ADM2: variants seen among roughly 807,000 people sequenced by gnomAD.
ADM2 encodes protein ADM2.
ADM2 carries 5 observed loss-of-function variants against 7.1 expected under a neutral mutation model. The ratio of observed to expected loss-of-function variants is 0.71; its 90% CI spans 0.37 to 1.49. ADM2 has a LOEUF of 1.49. ADM2 is among the 40% of genes most tolerant of loss of function. The pLI is 0.03. For synonymous variants in ADM2, 123 were observed against 92.8 expected, an observed-to-expected ratio of 1.33 and a Z score of -1.87; for missense variants, 236 against 211.2, an observed-to-expected ratio of 1.12 and a Z score of -0.73.
chr22:50,483,483 C>T lies in ADM2; in HGVS notation c.*580C>T. Reference sequence around the variant, plus strand: ...ACCTCTGTGGCTCCAGCTGCCAACCCTGGAGCCCAGACCGAGGTGGCCATG... The same window carrying T: ...ACCTCTGTGGCTCCAGCTGCCAACCTTGGAGCCCAGACCGAGGTGGCCATG... On this transcript the variant is annotated 3_prime_UTR_variant, in exon 3 of 3. Transcript: ENST00000395737. The T allele has an allele frequency of 2.8e-6, 1 of 352,410 alleles. No individual in the cohort carries two copies. Among genetic ancestry groups the T allele is most frequent in the Non-Finnish European group, 5.7e-6 (1 of 176,518 alleles). The allele number at this position is 352,410 out of a possible 1,614,324, so 21.8% of individuals were successfully genotyped here.
At chr22:50,482,496 C>T (rs2148631097) in intron 2 of ADM2, 71 bp from the exon 3 acceptor site, 1 of 1,434,092 alleles carries the variant, frequency 7.0e-7, no homozygotes, top group South Asian at 1.5e-5. Flanking sequence ...TGTGTAGAGG[C>T]AAAAGTGGGC....
intron 2 of ADM2, 34 bp downstream of exon 2, chr22:50,481,991 G>T: frequency 6.6e-7 from 1 of 1,515,940 alleles, no homozygotes; most frequent in Non-Finnish European, 8.9e-7. Flanking sequence ...CAACCCCTCT[G>T]GCCCCCGCAG....
At chr22:50,482,103 G>A (rs1047715921) in intron 2 of ADM2, 146 bp downstream of exon 2, 2 of 756,330 alleles carry the variant, frequency 2.6e-6, no homozygotes, top group Non-Finnish European at 4.0e-6. Flanking sequence ...AGGCTCAGGA[G>A]CGCCTGAGCA....
chr22:50,482,342 G>A (rs1603436873), intron 2 of ADM2, among the ~76,000 whole-genome samples: 2 of 152,174 alleles, frequency 1.3e-5, no homozygotes, highest in East Asian at 3.9e-4. Context: ...TTTGGCCAAG[G>A]AGGTGCCGGT....
At position 50,481,924 on chromosome 22, in the gene ADM2, G is replaced by A; in HGVS notation, c.77G>A (p.Ser26Asn). 1 of 1,537,254 alleles carries A rather than the reference G, an allele frequency of 6.5e-7. No individual in the cohort carries two copies. The highest frequency in any genetic ancestry group is 8.7e-7 in the Non-Finnish European group (1 of 1,143,532). Residue 26 changes from serine to asparagine, a missense_variant, in exon 2 of 3, where the codon AGC becomes AAC. Coordinates refer to ENST00000395737, the MANE Select transcript of ADM2 (RefSeq NM_001253845.2). ...CLQLPGSLSR[S>N]LGGDPRPVKP... ...CAGCTCCCTGGCTCGCTGTCCCGCAGCCTGGGCGGGGACCCGCGACCCGTC... is the reference window on the plus strand; with the variant it reads ...CAGCTCCCTGGCTCGCTGTCCCGCAACCTGGGCGGGGACCCGCGACCCGTC...
chr22:50,482,057 G>C lies in ADM2; in HGVS notation c.110+100G>C, dbSNP rs1304788138. On this transcript the variant is annotated intron_variant, in intron 2 of 2. Coordinates refer to ENST00000395737, the MANE Select transcript of ADM2 (RefSeq NM_001253845.2). ...CCCTCCCTCCACGCCTCCACCTGCT[G>C]CTAGGACTCCCCTCCCAAACAAAGG... The C allele has an allele frequency of 2.7e-6, 3 of 1,104,184 alleles. No individual in the cohort carries two copies. The African/African-American group carries it at 4.9e-5, about 18-fold the overall frequency. The allele number at this position is 1,104,184 out of a possible 1,614,324, so 68.4% of individuals were successfully genotyped here. A position where few individuals can be genotyped will look rare whatever the true frequency, so the allele number is the denominator to read the frequency against.
At chr22:50,482,106 C>T in intron 2 of ADM2, 149 bp downstream of exon 2, 1 of 733,876 alleles carries the variant, frequency 1.4e-6, no homozygotes, top group Non-Finnish European at 2.1e-6. Flanking sequence ...CTCAGGAGCG[C>T]CTGAGCAGGG....
rs758606241 is a variant in ADM2 at position 50,482,953 on chromosome 22, C to T, written c.*50C>T. 2 of 1,542,044 alleles carry T rather than the reference C, an allele frequency of 1.3e-6. No homozygotes were observed. Among genetic ancestry groups the T allele is most frequent in the East Asian group, 2.4e-5 (1 of 41,300 alleles). ...CCATCCCAGCCAGGGTGCTGTGCCC[C>T]CGTCCAGAGCTGCAGCTGAGCCCCA... On this transcript the variant is annotated 3_prime_UTR_variant, in exon 3 of 3. Coordinates refer to ENST00000395737, the MANE Select transcript of ADM2 (RefSeq NM_001253845.2).
rs774879786 is a variant in ADM2, at chr22:50,481,847, C to A, written c.-1C>A. The A allele has an allele frequency of 1.3e-6, 2 of 1,500,676 alleles. No homozygotes were observed. Among genetic ancestry groups the A allele is most frequent in the Non-Finnish European group, 8.8e-7 (1 of 1,131,266 alleles). 93.0% of individuals were successfully genotyped at this position (1,500,676 alleles called of 1,614,324 possible). Reference sequence around the variant, plus strand: ...CCCCCTCCCCTGCAGCCCCGCCCGCCATGGCCCGGATCCCGACGGCCGCCC... The same window carrying A: ...CCCCCTCCCCTGCAGCCCCGCCCGCAATGGCCCGGATCCCGACGGCCGCCC... On this transcript the variant is annotated 5_prime_UTR_variant, in exon 2 of 3. Coordinates refer to ENST00000395737, the MANE Select transcript of ADM2 (RefSeq NM_001253845.2).
intron 2 of ADM2, 74 bp from the exon 3 acceptor site, chr22:50,482,493 A>T: frequency 1.4e-6 from 2 of 1,433,736 alleles, no homozygotes; most frequent in Non-Finnish European, 1.8e-6. Flanking sequence ...GCCTGTGTAG[A>T]GGCAAAAGTG....
chr22:50,481,899 C>T lies in ADM2; in HGVS notation c.52C>T (p.Gln18Ter). 6.5e-7 allele frequency: 1 copy of T among 1,533,142 alleles called. No individual in the cohort carries two copies. The highest frequency in any genetic ancestry group is 8.7e-7 in the Non-Finnish European group (1 of 1,142,958). The allele number at this position is 1,533,142 out of a possible 1,614,324, so 95.0% of individuals were successfully genotyped here. A position where few individuals can be genotyped will look rare whatever the true frequency, so the allele number is the denominator to read the frequency against. Residue 18 changes from glutamine to a stop codon, truncating the protein, a stop_gained, in exon 2 of 3, where the codon CAG (glutamine) becomes TAG (stop). Coordinates refer to ENST00000395737, the MANE Select transcript of ADM2 (RefSeq NM_001253845.2). LOFTEE classifies it high-confidence loss of function. ...ALGCISLLCL[Q>*]LPGSLSRSLG... is the part of the protein sequence containing the mutation. ...GGGTTGCATCAGCCTCCTCTGCCTGCAGCTCCCTGGCTCGCTGTCCCGCAG... is the reference window on the plus strand; with the variant it reads ...GGGTTGCATCAGCCTCCTCTGCCTGTAGCTCCCTGGCTCGCTGTCCCGCAG...
chr22:50,483,028 A>G lies in ADM2; in HGVS notation c.*125A>G, dbSNP rs911894035. On this transcript the variant is annotated 3_prime_UTR_variant, in exon 3 of 3. Coordinates refer to ENST00000395737, the MANE Select transcript of ADM2 (RefSeq NM_001253845.2). Reference sequence around the variant, plus strand: ...GCAGACAGCAGGTCCTGCAGCAACAATACCTGCACGGCTTTGCACACGTAA... The same window carrying G: ...GCAGACAGCAGGTCCTGCAGCAACAGTACCTGCACGGCTTTGCACACGTAA... 6.9e-7 allele frequency: 1 copy of G among 1,449,650 alleles called. No homozygotes were observed. The highest frequency in any genetic ancestry group is 1.4e-5 in the African/African-American group (1 of 71,354). 89.8% of individuals were successfully genotyped at this position (1,449,650 alleles called of 1,614,324 possible).
At chr22:50,481,786 G>C (rs1030236697) in intron 1 of ADM2, 23 bp downstream of exon 1, 3 of 1,216,676 alleles carry the variant, frequency 2.5e-6, no homozygotes. Context: ...GGGGTGGCTC[G>C]CGGCTCAGGC....
rs1462843698 is a variant in ADM2, at chr22:50,483,071, C to T, written c.*168C>T. On this transcript the variant is annotated 3_prime_UTR_variant, in exon 3 of 3. Coordinates refer to ENST00000395737, the MANE Select transcript of ADM2 (RefSeq NM_001253845.2). ...ACACGTAAACCTAGGCTGGTCTACA[C>T]GCAGTGCTGGTACGTCAAGGAGCCT... 35 of 1,173,704 alleles carry T rather than the reference C, an allele frequency of 3.0e-5. No homozygotes were observed. Among genetic ancestry groups the T allele is most frequent in the Non-Finnish European group, 3.8e-5 (31 of 816,884 alleles). The allele number at this position is 1,173,704 out of a possible 1,614,324, so 72.7% of individuals were successfully genotyped here.
Position 50,483,065 on chromosome 22 carries a change from T to C in ADM2, c.*162T>C. The C allele has an allele frequency of 8.1e-7, 1 of 1,236,884 alleles. No homozygotes were observed. The highest frequency in any genetic ancestry group is 1.3e-5 in the South Asian group (1 of 77,402). The allele number at this position is 1,236,884 out of a possible 1,614,324, so 76.6% of individuals were successfully genotyped here. ...CTTTGCACACGTAAACCTAGGCTGG[T>C]CTACACGCAGTGCTGGTACGTCAAG... On this transcript the variant is annotated 3_prime_UTR_variant, in exon 3 of 3. Coordinates refer to ENST00000395737, the MANE Select transcript of ADM2 (RefSeq NM_001253845.2).
rs958796739 is a variant in ADM2 at position 50,485,811 on chromosome 22, C to G, written c.*2908C>G. 8 of 152,464 alleles carry G rather than the reference C, an allele frequency of 5.2e-5. No individual in the cohort carries two copies. Among genetic ancestry groups the G allele is most frequent in the African/African-American group, 1.7e-4 (7 of 41,442 alleles). The allele number at this position is 152,464 out of a possible 1,614,324, so 9.4% of individuals were successfully genotyped here. On this transcript the variant is annotated 3_prime_UTR_variant, in exon 3 of 3. Transcript: ENST00000395737. ...CAGCCCTCTTGCCTGACCCCTGAAG[C>G]CCAGAACTCTGATCTTCACAGCCCT... is the stretch of plus-strand genomic sequence containing the variant.
intron 2 of ADM2, 91 bp from the exon 3 acceptor site, chr22:50,482,475 TG>T: frequency 7.1e-7 from 1 of 1,413,560 alleles, no homozygotes. Context: ...CCCCTGGCAG[TG>T]ACCCAGGCCT....
rs755446561 is a variant in ADM2 at position 50,482,751 on chromosome 22, C to T, written c.295C>T (p.Arg99Cys). The T allele has an allele frequency of 9.3e-6, 15 of 1,606,090 alleles. No homozygotes were observed. The highest frequency in any genetic ancestry group is 3.4e-5 in the Admixed American group (2 of 59,634). Residue 99 changes from arginine (R) to cysteine (C), a missense_variant, in exon 3 of 3, where the codon CGC (arginine) becomes TGC (cysteine). Transcript: ENST00000395737. Reference sequence around the variant, plus strand: ...GGGCCCCCGAAGACACTCGGGCCCCCGCAGGACCCAAGCCCAGCTCCTGCG... The same window carrying T: ...GGGCCCCCGAAGACACTCGGGCCCCTGCAGGACCCAAGCCCAGCTCCTGCG... Reference protein sequence around the residue: ...HSGPRRHSGPRRTQAQLLRVG... With the variant: ...HSGPRRHSGPCRTQAQLLRVG...
chr22:50,483,269 C>T lies in ADM2; in HGVS notation c.*366C>T. On this transcript the variant is annotated 3_prime_UTR_variant, in exon 3 of 3. Transcript: ENST00000395737. ...GAGCAGGGGAGAGAGGCTGAACTGG[C>T]CAGAAGTGGCCCCTCCGCTGCTGGT... The T allele has an allele frequency of 2.0e-6, 1 of 499,912 alleles. No individual in the cohort carries two copies. Among genetic ancestry groups the T allele is most frequent in the South Asian group, 1.5e-5 (1 of 64,886 alleles). 31.0% of individuals were successfully genotyped at this position (499,912 alleles called of 1,614,324 possible). A position where few individuals can be genotyped will look rare whatever the true frequency, so the allele number is the denominator to read the frequency against.
Sources: gnomAD v4.1 joint callset for allele counts (sites outside exome capture counted in the v4.1 genomes callset) on GRCh38, gnomAD v4.1.1 for gene constraint, MANE v1.5 for transcripts, NCBI Gene and HGNC (gene_info 2026-07-23, HGNC 2026-07-21) for gene names.